Variants in SORCS3 observed in about 807,000 individuals in gnomAD.
SORCS3 encodes VPS10 domain-containing receptor SorCS3.
A neutral mutation model predicts 146.3 loss-of-function variants in SORCS3; 57 were observed. The ratio of observed to expected loss-of-function variants is 0.39; its 90% confidence interval spans 0.31 to 0.49. The LOEUF (loss-of-function observed/expected upper bound fraction) is 0.49, where lower values mean the gene tolerates loss of function less well. Among genes scored for constraint, SORCS3 ranks in the 20% least tolerant of loss-of-function variants. SORCS3 has a pLI of 0.92. For missense variants in SORCS3, 1,341 were observed against 1,575.5 expected (o/e 0.85, Z 2.52); for synonymous variants, 653 against 618.5 (o/e 1.06, Z -0.83).
chr10:105,062,538 A>G (rs2055494739), intron 5 of SORCS3, among the ~76,000 whole-genome samples: 1 of 152,164 alleles, frequency 6.6e-6, no homozygotes, highest in Admixed American at 6.5e-5. Flanking sequence ...AGCAGGTGCC[A>G]CGATAGGGAC....
intron 3 of SORCS3, among the ~76,000 whole-genome samples, chr10:104,957,469 T>C (rs1456643720): frequency 1.3e-5 from 2 of 152,138 alleles, no homozygotes; most frequent in East Asian, 3.9e-4. Context: ...TTTTGACAAA[T>C]GTGCTGTTCT....
chr10:104,747,923 G>T (rs2016930026), intron 1 of SORCS3, among the ~76,000 whole-genome samples: 1 of 152,242 alleles, frequency 6.6e-6, no homozygotes, highest in Non-Finnish European at 1.5e-5. Flanking sequence ...CCTTGGGAAA[G>T]TTCTTCCTTT....
chr10:104,824,899 G>A (rs1181221829), intron 1 of SORCS3, among the ~76,000 whole-genome samples: 1 of 152,156 alleles, frequency 6.6e-6, no homozygotes, highest in African/African-American at 2.4e-5. Context: ...CTGCAGGCAG[G>A]ATCAGCAGAG....
chr10:105,012,700 G>T (rs541671312), intron 4 of SORCS3, among the ~76,000 whole-genome samples: 1 of 152,080 alleles, frequency 6.6e-6, no homozygotes, highest in African/African-American at 2.4e-5. Flanking sequence ...CCAGTCAAGC[G>T]TAAGTAAATT....
intron 23 of SORCS3, among the ~76,000 whole-genome samples, chr10:105,254,654 C>A (rs1195561818): frequency 6.6e-6 from 1 of 150,766 alleles, no homozygotes; most frequent in East Asian, 2.0e-4. Flanking sequence ...CAAAAATTAG[C>A]TTGGCGTGGT....
At chr10:105,214,813 A>G (rs1255362797) in intron 18 of SORCS3, among the ~76,000 whole-genome samples, 200 bp downstream of exon 18, 1 of 152,174 alleles carries the variant, frequency 6.6e-6, no homozygotes, top group East Asian at 1.9e-4. Context: ...CACAATAAAG[A>G]CCCAGTCCGC....
intron 7 of SORCS3, among the ~76,000 whole-genome samples, chr10:105,117,963 A>G (rs892004544): frequency 6.6e-6 from 1 of 151,986 alleles, no homozygotes; most frequent in South Asian, 2.1e-4. Context: ...CATCTTTCCA[A>G]TATCATCTTA....
chr10:105,085,027 G>A (rs964346237), intron 5 of SORCS3, among the ~76,000 whole-genome samples: 3 of 152,162 alleles, frequency 2.0e-5, no homozygotes, highest in East Asian at 3.9e-4. Context: ...ACCGCGCCCG[G>A]CCAAGGCAGT....
Position 105,061,150 on chromosome 10 carries a change from T to C in SORCS3, c.1028+18022T>C, listed in dbSNP as rs77208307. 5.9e-3 allele frequency among the ~76,000 whole-genome samples: 901 copies of C among 152,228 alleles called. 12 individuals are homozygous for C. Among genetic ancestry groups the C allele is most frequent in the African/African-American group, 0.021 (863 of 41,540 alleles). ...ACAAGGGCTCAAATTCAGCATAATA[T>C]TTACACATTTGTTGGAAAGCTGTGC... On this transcript the variant is annotated intron_variant, in intron 5 of 26. Coordinates refer to ENST00000369701, the MANE Select transcript of SORCS3 (RefSeq NM_014978.3).
At chr10:104,784,962 C>T (rs567003068) in intron 1 of SORCS3, among the ~76,000 whole-genome samples, 44 of 152,306 alleles carry the variant, frequency 2.9e-4, no homozygotes, top group African/African-American at 8.9e-4. Context: ...AGCTGTTGGG[C>T]ACACCTCCCA....
chr10:104,985,519 C>G (rs2054957175), intron 4 of SORCS3, among the ~76,000 whole-genome samples: 2 of 152,128 alleles, frequency 1.3e-5, no homozygotes. Flanking sequence ...TTTTGATCTC[C>G]TCCCATGAAT....
At chr10:104,942,537 A>G (rs1445385930) in intron 3 of SORCS3, among the ~76,000 whole-genome samples, 2 of 152,256 alleles carry the variant, frequency 1.3e-5, no homozygotes, top group Non-Finnish European at 2.9e-5. Context: ...ACATAGATGC[A>G]AAAGTCCCTA....
chr10:105,166,725 A>G (rs1363608379), intron 12 of SORCS3, among the ~76,000 whole-genome samples: 3 of 152,194 alleles, frequency 2.0e-5, no homozygotes, highest in Non-Finnish European at 4.4e-5. Flanking sequence ...GACACCCAAC[A>G]TGGGTCTTCA....
intron 9 of SORCS3, among the ~76,000 whole-genome samples, chr10:105,149,601 T>C (rs1489215233): frequency 6.6e-6 from 1 of 152,178 alleles, no homozygotes; most frequent in Non-Finnish European, 1.5e-5. Context: ...CTGAGGCCAT[T>C]CCAAGTTCCT....
intron 14 of SORCS3, among the ~76,000 whole-genome samples, chr10:105,181,156 A>G (rs2056440297): frequency 6.6e-6 from 1 of 152,206 alleles, no homozygotes; most frequent in Non-Finnish European, 1.5e-5. Flanking sequence ...TTAACAGTAT[A>G]TATGTACTGG....
chr10:105,168,770 C>A (rs911778545), intron 13 of SORCS3, among the ~76,000 whole-genome samples: 3 of 152,004 alleles, frequency 2.0e-5, no homozygotes, highest in Non-Finnish European at 4.4e-5. Context: ...CAAAAATGAT[C>A]AAATATTACC....
chr10:104,677,339 T>C (rs975962311), intron 1 of SORCS3, among the ~76,000 whole-genome samples: 7 of 152,198 alleles, frequency 4.6e-5, no homozygotes, highest in African/African-American at 1.7e-4. Flanking sequence ...TATTATTTGG[T>C]TTTCTAGCCT....
At chr10:105,198,825 TTTTA>T (rs1049596316) in intron 14 of SORCS3, among the ~76,000 whole-genome samples, 3 of 152,308 alleles carry the variant, frequency 2.0e-5, no homozygotes, top group East Asian at 1.9e-4. Context: ...CTCTTAAAGG[TTTTA>T]TTTAACTTTT....
chr10:104,754,536 C>G (rs533724333), intron 1 of SORCS3, among the ~76,000 whole-genome samples: 3 of 152,176 alleles, frequency 2.0e-5, no homozygotes, highest in African/African-American at 7.2e-5. Flanking sequence ...ACTTTACCCC[C>G]CTGGCGTTTT....
Sources: gnomAD v4.1 joint callset for allele counts (sites outside exome capture counted in the v4.1 genomes callset) on GRCh38, gnomAD v4.1.1 for gene constraint, MANE v1.5 for transcripts, NCBI Gene and HGNC (gene_info 2026-07-23, HGNC 2026-07-21) for gene names.